The following NPAS3 variants were observed in gnomAD, a reference collection of about 807,000 sequenced individuals.
NPAS3 encodes neuronal PAS domain-containing protein 3.
A neutral mutation model predicts 73.1 loss-of-function variants in NPAS3; 14 were observed. The ratio of observed to expected loss-of-function variants is 0.19; its 90% CI spans 0.13 to 0.30. The LOEUF (loss-of-function observed/expected upper bound fraction) is 0.30. NPAS3 is among the 10% of genes least tolerant of loss of function. The pLI is 1.00. For synonymous variants in NPAS3, 620 were observed against 541.5 expected, an observed-to-expected ratio of 1.14 and a Z score of -2.01; for missense variants, 1,096 against 1,250.0, an observed-to-expected ratio of 0.88 and a Z score of 1.86.
chr14:33,784,734 T>TTA (rs1207515398), intron 9 of NPAS3, among the ~76,000 whole-genome samples: 18 of 103,112 alleles, frequency 1.7e-4, no homozygotes, highest in African/African-American at 8.7e-4. Context: ...TATTTATTTA[T>TTA]TTATTTATTT....
In NPAS3 at chr14:32,980,941, G is replaced by A. The variant is rs759840768; in HGVS notation, c.50+41575G>A. On this transcript the variant is annotated intron_variant, in intron 1 of 11. Coordinates refer to ENST00000356141, the Ensembl canonical transcript of NPAS3. ...TTTAGCTATATATACACCCACACAC[G>A]CATACACACACACATACACACACAC... is the stretch of plus-strand genomic sequence containing the variant. 2.4e-4 allele frequency among the ~76,000 whole-genome samples: 36 copies of A among 151,888 alleles called. 1 individual carries two copies. The highest frequency in any genetic ancestry group is 8.4e-4 in the African/African-American group (35 of 41,430).
At chr14:33,335,932 G>C (rs908369053) in intron 3 of NPAS3, among the ~76,000 whole-genome samples, 1 of 152,144 alleles carries the variant, frequency 6.6e-6, no homozygotes, top group African/African-American at 2.4e-5. Flanking sequence ...TGAAAAATGT[G>C]TTTCTGTTAC....
At chr14:32,979,579 A>G (rs2037817608) in intron 1 of NPAS3, among the ~76,000 whole-genome samples, 1 of 152,176 alleles carries the variant, frequency 6.6e-6, no homozygotes, top group African/African-American at 2.4e-5. Flanking sequence ...GTCCATTTAA[A>G]AGGGCCATAC....
chr14:33,092,577 C>G (rs1432288117), intron 2 of NPAS3, among the ~76,000 whole-genome samples: 2 of 152,188 alleles, frequency 1.3e-5, no homozygotes, highest in Non-Finnish European at 2.9e-5. Flanking sequence ...CCATCCCCAT[C>G]AAGCTACCAA....
At chr14:33,613,776 C>T (rs2057826675) in intron 5 of NPAS3, among the ~76,000 whole-genome samples, 1 of 151,532 alleles carries the variant, frequency 6.6e-6, no homozygotes, top group South Asian at 2.1e-4. Context: ...CTACAACTTC[C>T]AATTAAATGT....
intron 1 of NPAS3, among the ~76,000 whole-genome samples, chr14:33,011,093 C>T (rs1415192298): frequency 6.6e-6 from 1 of 152,094 alleles, no homozygotes; most frequent in Non-Finnish European, 1.5e-5. Context: ...TAGATGTTTG[C>T]AAAAGTGAAA....
intron 2 of NPAS3, among the ~76,000 whole-genome samples, chr14:33,135,995 A>G (rs1375919244): frequency 6.6e-6 from 1 of 151,878 alleles, no homozygotes; most frequent in African/African-American, 2.4e-5. Flanking sequence ...ACAAGTAGAC[A>G]TGGTGTAAGT....
chr14:32,964,407 C>A (rs1215990216), intron 1 of NPAS3, among the ~76,000 whole-genome samples: 1 of 152,062 alleles, frequency 6.6e-6, no homozygotes, highest in East Asian at 1.9e-4. Flanking sequence ...ATTCCAGATC[C>A]CACATTCCTA....
chr14:33,258,914 C>T (rs935601722), intron 3 of NPAS3, among the ~76,000 whole-genome samples: 5 of 152,090 alleles, frequency 3.3e-5, no homozygotes, highest in African/African-American at 9.7e-5. Flanking sequence ...CCCGGGTTCA[C>T]GCCATCCTCC....
At chr14:33,242,731 C>G (rs2048250540) in intron 3 of NPAS3, among the ~76,000 whole-genome samples, 1 of 152,084 alleles carries the variant, frequency 6.6e-6, no homozygotes, top group Non-Finnish European at 1.5e-5. Flanking sequence ...TGAATAGTCA[C>G]TCTCTTTTCT....
chr14:33,592,976 G>A (rs1202617310), intron 5 of NPAS3, among the ~76,000 whole-genome samples: 1 of 151,958 alleles, frequency 6.6e-6, no homozygotes, highest in African/African-American at 2.4e-5. Flanking sequence ...TCACCCTTTT[G>A]AGTCCTGCAA....
intron 2 of NPAS3, among the ~76,000 whole-genome samples, chr14:33,151,117 T>G (rs2044427815): frequency 6.6e-6 from 1 of 152,246 alleles, no homozygotes; most frequent in Non-Finnish European, 1.5e-5. Context: ...GATAACTATT[T>G]CTTTGCAGTC....
intron 5 of NPAS3, among the ~76,000 whole-genome samples, chr14:33,630,964 C>A (rs147513621): frequency 1.3e-5 from 2 of 152,284 alleles, no homozygotes; most frequent in East Asian, 1.9e-4. Context: ...TGGTCTGAGA[C>A]TATTCTTTGT....
intron 2 of NPAS3, among the ~76,000 whole-genome samples, chr14:33,186,733 CT>C (rs2045988580): frequency 6.6e-6 from 1 of 152,146 alleles, no homozygotes; most frequent in South Asian, 2.1e-4. Flanking sequence ...ATCAGCAAGC[CT>C]TGTTGAATTT....
At chr14:33,192,196 G>A (rs2139513394) in intron 2 of NPAS3, among the ~76,000 whole-genome samples, 1 of 152,246 alleles carries the variant, frequency 6.6e-6, no homozygotes, top group East Asian at 1.9e-4. Flanking sequence ...CTCACCTGTA[G>A]ATAGATAACC....
At chr14:33,445,886 C>A (rs1480543885) in intron 4 of NPAS3, among the ~76,000 whole-genome samples, 1 of 151,972 alleles carries the variant, frequency 6.6e-6, no homozygotes, top group Non-Finnish European at 1.5e-5. Context: ...ACAGGGACCT[C>A]CCTGGGCTGA....
intron 3 of NPAS3, among the ~76,000 whole-genome samples, chr14:33,246,647 G>T (rs1362343725): frequency 6.6e-6 from 1 of 150,672 alleles, no homozygotes; most frequent in Non-Finnish European, 1.5e-5. Flanking sequence ...GTCTGACAAA[G>T]TTCTAGTCTT....
At chr14:33,686,570 C>T (rs1347798675) in intron 6 of NPAS3, among the ~76,000 whole-genome samples, 2 of 152,142 alleles carry the variant, frequency 1.3e-5, no homozygotes, top group Non-Finnish European at 2.9e-5. Flanking sequence ...ATATGCATCA[C>T]CTCATTTATT....
At chr14:33,624,651 A>G (rs2058172803) in intron 5 of NPAS3, among the ~76,000 whole-genome samples, 1 of 152,126 alleles carries the variant, frequency 6.6e-6, no homozygotes, top group South Asian at 2.1e-4. Flanking sequence ...TACATAGAAA[A>G]AAGTTTTAAA....
Sources: gnomAD v4.1 joint callset for allele counts (sites outside exome capture counted in the v4.1 genomes callset) on GRCh38, gnomAD v4.1.1 for gene constraint, MANE v1.5 for transcripts, NCBI Gene and HGNC (gene_info 2026-07-23, HGNC 2026-07-21) for gene names.